The following PDS5B variants were observed in gnomAD, a reference collection of about 807,000 sequenced individuals.
PDS5B encodes sister chromatid cohesion protein PDS5 homolog B.
PDS5B carries 51 observed loss-of-function variants against 184.1 expected under a neutral mutation model. The observed-to-expected ratio is 0.28, with a 90% CI of 0.22 to 0.35. PDS5B has a LOEUF of 0.35. Among genes scored for constraint, PDS5B ranks in the 10% least tolerant of loss-of-function variants. The pLI is 1.00. For missense variants in PDS5B, 1,180 were observed against 1,723.3 expected (o/e 0.68, Z 5.58); for synonymous variants, 566 against 569.2 (o/e 0.99, Z 0.08).
At chr13:32,660,333 A>G (rs1204139494) in intron 6 of PDS5B, among the ~76,000 whole-genome samples, 1 of 152,236 alleles carries the variant, frequency 6.6e-6, no homozygotes, top group East Asian at 1.9e-4. Context: ...AATGAGCTGT[A>G]AAAATCAGCC....
chr13:32,760,243 C>CCG (rs1262999126), intron 29 of PDS5B, among the ~76,000 whole-genome samples: 1 of 152,234 alleles, frequency 6.6e-6, no homozygotes, highest in Non-Finnish European at 1.5e-5. Flanking sequence ...GCGTGAGCCA[C>CCG]TGCACCCGGC....
chr13:32,727,655 A>G (rs1183945233), intron 19 of PDS5B, among the ~76,000 whole-genome samples: 1 of 152,122 alleles, frequency 6.6e-6, no homozygotes, highest in Non-Finnish European at 1.5e-5. Context: ...GATTCTGATG[A>G]AAAGTGTTCT....
At chr13:32,717,687 TAAAAAAA>T (rs1293060097) in intron 19 of PDS5B, among the ~76,000 whole-genome samples, 1 of 58,714 alleles carries the variant, frequency 1.7e-5, no homozygotes, top group Non-Finnish European at 3.7e-5. Context: ...GAATGATCAA[TAAAAAAA>T]AAAAAAAATA....
At chr13:32,633,325 T>TA (rs59115628) in intron 1 of PDS5B, among the ~76,000 whole-genome samples, 5 of 152,148 alleles carry the variant, frequency 3.3e-5, no homozygotes, top group Non-Finnish European at 7.4e-5. Context: ...ATATTTTACA[T>TA]AAAAAAAGTA....
At chr13:32,759,171 G>A (rs1056379748) in intron 28 of PDS5B, among the ~76,000 whole-genome samples, 6 of 152,064 alleles carry the variant, frequency 3.9e-5, no homozygotes, top group African/African-American at 1.4e-4. Flanking sequence ...TCGTAATTTA[G>A]CTGAACATAT....
chr13:32,729,557 C>T (rs1247849338), intron 19 of PDS5B, among the ~76,000 whole-genome samples: 1 of 152,114 alleles, frequency 6.6e-6, no homozygotes, highest in Admixed American at 6.5e-5. Flanking sequence ...ATTTATGCTC[C>T]CACCAACAGT....
At chr13:32,597,517 A>G (rs535953802) in intron 1 of PDS5B, among the ~76,000 whole-genome samples, 1 of 149,514 alleles carries the variant, frequency 6.7e-6, no homozygotes, top group East Asian at 2.0e-4. Flanking sequence ...ACACAGAGAG[A>G]TCCTGTCTCT....
Position 32,742,745 on chromosome 13 carries a change from C to A in PDS5B, c.2612+18C>A. 1 of 1,605,034 alleles carries A rather than the reference C, an allele frequency of 6.2e-7. No individual in the cohort carries two copies. Among genetic ancestry groups the A allele is most frequent in the Non-Finnish European group, 8.5e-7 (1 of 1,173,056 alleles). On this transcript the variant is annotated intron_variant, in intron 23 of 34. Coordinates refer to ENST00000315596, the MANE Select transcript of PDS5B (RefSeq NM_015032.4). The stretch of plus-strand genomic sequence containing the variant: ...AAAATTAGGTATGCAATTACTATTT[C>A]ACAGTTCTTTGGATTGCATAATATT...
intron 1 of PDS5B, among the ~76,000 whole-genome samples, chr13:32,648,036 C>T (rs409010): frequency 1.3e-3 from 196 of 152,326 alleles, no homozygotes; most frequent in African/African-American, 4.6e-3. Context: ...ATGTCAGCCC[C>T]AGCAAGTGTG....
At chr13:32,650,816 TTA>T in intron 2 of PDS5B, among the ~76,000 whole-genome samples, 1 of 152,354 alleles carries the variant, frequency 6.6e-6, no homozygotes, top group African/African-American at 2.4e-5. Context: ...GAGCCATTTG[TTA>T]CTCAGAAGTC....
intron 1 of PDS5B, among the ~76,000 whole-genome samples, chr13:32,624,386 G>A (rs2058342903): frequency 6.6e-6 from 1 of 151,944 alleles, no homozygotes; most frequent in Admixed American, 6.5e-5. Flanking sequence ...ACTGGTTTTT[G>A]TAAAACTAGT....
intron 19 of PDS5B, among the ~76,000 whole-genome samples, chr13:32,717,618 C>G (rs1952503101): frequency 7.2e-6 from 1 of 138,870 alleles, no homozygotes; most frequent in Non-Finnish European, 1.6e-5. Flanking sequence ...TATCTGCTGA[C>G]CTTCCCTCCA....
intron 14 of PDS5B, 56 bp from the exon 15 acceptor site, chr13:32,696,798 G>A: frequency 8.0e-7 from 1 of 1,253,480 alleles, no homozygotes; most frequent in African/African-American, 1.5e-5. Context: ...TGCAGAGTAT[G>A]ATGAAGTTTT....
intron 1 of PDS5B, among the ~76,000 whole-genome samples, chr13:32,620,648 C>T (rs2058286210): frequency 7.3e-6 from 1 of 137,870 alleles, no homozygotes; most frequent in African/African-American, 2.7e-5. Context: ...CAGAGCGAGA[C>T]TCCGTCTCAA....
At chr13:32,683,173 T>C (rs934512599) in intron 10 of PDS5B, among the ~76,000 whole-genome samples, 1 of 151,932 alleles carries the variant, frequency 6.6e-6, no homozygotes, top group Non-Finnish European at 1.5e-5. Context: ...CCACCACACT[T>C]GGCTAATTTT....
At chr13:32,644,332 A>T (rs1950168742) in intron 1 of PDS5B, among the ~76,000 whole-genome samples, 1 of 152,224 alleles carries the variant, frequency 6.6e-6, no homozygotes, top group African/African-American at 2.4e-5. Context: ...TTTTAAATTT[A>T]CAATGGGTTT....
rs1354749645 is a variant in PDS5B, at chr13:32,586,974, C to G, written c.-20+381C>G. ...CGCGGGCGGGGGTCTCGGGGCCGCC[C>G]GGCCGCCCGCGCCCTCCCGCCGCCG... is the stretch of plus-strand genomic sequence containing the variant. On this transcript the variant is annotated intron_variant, in intron 1 of 34. Transcript: ENST00000315596. 4.3e-5 allele frequency among the ~76,000 whole-genome samples: 6 copies of G among 137,948 alleles called. No individual in the cohort carries two copies. The South Asian group carries it at 7.2e-4, about 17-fold the overall frequency. The allele number at this position is 137,948 out of a possible 152,430, so 90.5% of individuals were successfully genotyped here. A position where few individuals can be genotyped will look rare whatever the true frequency, so the allele number is the denominator to read the frequency against.
chr13:32,601,519 G>A (rs731413), intron 1 of PDS5B, among the ~76,000 whole-genome samples: 60,862 of 152,024 alleles, frequency 0.4, 12,600 homozygotes, highest in African/African-American at 0.49. Flanking sequence ...CCTCTTTATT[G>A]GCAGCAACCT....
intron 33 of PDS5B, 77 bp from the exon 34 acceptor site, chr13:32,773,112 G>A (rs945130851): frequency 3.2e-6 from 4 of 1,239,430 alleles, no homozygotes; most frequent in South Asian, 1.6e-5. Flanking sequence ...GATGAAATAC[G>A]TGAAACATTT....
Sources: gnomAD v4.1 joint callset for allele counts (sites outside exome capture counted in the v4.1 genomes callset) on GRCh38, gnomAD v4.1.1 for gene constraint, MANE v1.5 for transcripts, NCBI Gene and HGNC (gene_info 2026-07-23, HGNC 2026-07-21) for gene names.